The following SEC16A variants were observed in gnomAD, a reference collection of about 807,000 sequenced individuals.
The protein encoded by SEC16A is SEC16 homolog A, endoplasmic reticulum export factor, also known as protein transport protein Sec16A.
Under a neutral mutation model 221.9 loss-of-function variants are expected in SEC16A, and 110 were observed. That is an observed-to-expected ratio of 0.50 (90% confidence interval 0.42 to 0.58). The LOEUF is 0.58. Among genes scored for constraint, SEC16A ranks in the 20% least tolerant of loss-of-function variants. The pLI is 0.00. For missense variants in SEC16A, 3,165 were observed against 3,097.8 expected, an observed-to-expected ratio of 1.02 and a Z score of -0.52; for synonymous variants, 1,393 against 1,257.7, an observed-to-expected ratio of 1.11 and a Z score of -2.28.
At chr9:136,442,969 GACAA>G (rs1297193282) in intron 31 of SEC16A, among the ~76,000 whole-genome samples, 1 of 152,228 alleles carries the variant, frequency 6.6e-6, no homozygotes, top group Non-Finnish European at 1.5e-5. Flanking sequence ...GTGTCACCAA[GACAA>G]ACAGAGTAAC....
In SEC16A at chr9:136,466,304, A is replaced by C; in HGVS notation, c.4088T>G (p.Leu1363Arg). The change falls in exon 7 of 32, where the codon CTG (leucine) becomes CGG (arginine). Residue 1363 changes from leucine (L) to arginine (R), a missense_variant. Transcript: ENST00000684901. The surrounding 1 kb of genome is among the most constrained non-coding windows in gnomAD (Gnocchi z 5.5). ...SARSLHSAHSLASRRSSLSSH... is the reference protein window; with the variant it reads ...SARSLHSAHSRASRRSSLSSH... ...GCTGAGGCTGCTGCGGCGGCTGGCC[A>C]GGCTGTGTGCGCTGTGCAGGCTCCG... 1 of 1,569,956 alleles carries C rather than the reference A, an allele frequency of 6.4e-7. No individual in the cohort carries two copies. The highest frequency in any genetic ancestry group is 8.6e-7 in the Non-Finnish European group (1 of 1,158,166).
rs1127162 is a variant in SEC16A, at chr9:136,440,754, T to C, written c.*1001A>G. The C allele has an allele frequency of 0.12, 18,428 of 152,490 alleles. 1,414 individuals are homozygous for C. Among genetic ancestry groups the C allele is most frequent in the Admixed American group, 0.24 (3,625 of 15,290 alleles). 9.4% of individuals were successfully genotyped at this position (152,490 alleles called of 1,614,324 possible). A position where few individuals can be genotyped will look rare whatever the true frequency, so the allele number is the denominator to read the frequency against. Reference sequence around the variant, plus strand: ...CTGCTGTCAAGAAACTGTGTTAAGATACTCTCCCCAAGTGCTACCAACCTC... The same window carrying C: ...CTGCTGTCAAGAAACTGTGTTAAGACACTCTCCCCAAGTGCTACCAACCTC... On this transcript the variant is annotated 3_prime_UTR_variant, in exon 32 of 32. Coordinates refer to ENST00000684901, the MANE Select transcript of SEC16A (RefSeq NM_014866.2).
At chr9:136,465,833 G>C (rs749994779) in intron 8 of SEC16A, 129 bp downstream of exon 8, 18 of 956,832 alleles carry the variant, frequency 1.9e-5, no homozygotes, top group Non-Finnish European at 2.6e-5. Context: ...TCGGAAGGAC[G>C]GATTGGGTCA....
At position 136,466,099 on chromosome 9, in the gene SEC16A, G is replaced by C; in HGVS notation, c.4166C>G (p.Ser1389Cys). Residue 1389 changes from serine to cysteine, a missense_variant, in exon 8 of 32, where the codon TCC becomes TGC. Transcript: ENST00000684901. This position sits in a 1 kb window ranked among gnomAD's most constrained non-coding sequence, Gnocchi z 5.5. Reference protein sequence around the residue: ...IYRSHNVAAGSYEAPLPPGSF... With the variant: ...IYRSHNVAAGCYEAPLPPGSF... ...GCCTGGAGGAAGCGGGGCCTCGTAG[G>C]AACCGGCAGCCACATTGTGGCTTCT... The C allele has an allele frequency of 3.1e-6, 5 of 1,606,866 alleles. No individual in the cohort carries two copies. The highest frequency in any genetic ancestry group is 4.3e-6 in the Non-Finnish European group (5 of 1,175,640).
In SEC16A at chr9:136,467,201, C is replaced by T. The variant is rs1840272809; in HGVS notation, c.3803-118G>A. 5 of 1,170,054 alleles carry T rather than the reference C, an allele frequency of 4.3e-6. No individual in the cohort carries two copies. The East Asian group carries it at 7.5e-5, about 18-fold the overall frequency. The allele number at this position is 1,170,054 out of a possible 1,614,324, so 72.5% of individuals were successfully genotyped here. Reference sequence around the variant, plus strand: ...ATGCTCCAAGGACTCCTCGAGAAACCCAGCTTCTTCCTGGAAACCAGCACG... The same window carrying T: ...ATGCTCCAAGGACTCCTCGAGAAACTCAGCTTCTTCCTGGAAACCAGCACG... On this transcript the variant is annotated intron_variant, in intron 5 of 31. Coordinates refer to ENST00000684901, the MANE Select transcript of SEC16A (RefSeq NM_014866.2).
chr9:136,475,810 T>C lies in SEC16A; in HGVS notation c.1806A>G (p.Ile602Met). ...AAGAACTATTTGCACTTGTCTGAAA[T>C]ATTCCTGTAGGTTTCGGGGGGCTCG... is the stretch of plus-strand genomic sequence containing the variant. The part of the protein sequence containing the change: ...STPSPPKPTG[I>M]FQTSANSSFE... Residue 602 changes from isoleucine (I) to methionine (M), a missense_variant, in exon 3 of 32, where the codon ATA (isoleucine) becomes ATG (methionine). Ile to Met is a conservative substitution (Grantham distance 10, BLOSUM62 1). Coordinates refer to ENST00000684901, the MANE Select transcript of SEC16A (RefSeq NM_014866.2). This position sits in a 1 kb window ranked among gnomAD's most constrained non-coding sequence, Gnocchi z 5.0. The C allele has an allele frequency of 1.3e-6, 2 of 1,584,348 alleles. No homozygotes were observed. Among genetic ancestry groups the C allele is most frequent in the Non-Finnish European group, 8.6e-7 (1 of 1,164,954 alleles).
chr9:136,449,632 G>A (rs1329759406), intron 23 of SEC16A, among the ~76,000 whole-genome samples: 3 of 152,126 alleles, frequency 2.0e-5, no homozygotes, highest in Admixed American at 6.5e-5. Context: ...CGCCATGCCC[G>A]GCCTGATGCA....
At chr9:136,469,734 C>T (rs1439649400) in intron 4 of SEC16A, among the ~76,000 whole-genome samples, 2 of 152,228 alleles carry the variant, frequency 1.3e-5, no homozygotes, top group Non-Finnish European at 2.9e-5. Flanking sequence ...CGTGACCCTT[C>T]CCACGCCCCT....
chr9:136,483,136 C>A, upstream of SEC16A: 4 of 516,824 alleles, frequency 7.7e-6, no homozygotes, highest in Non-Finnish European at 9.9e-6. Context: ...CTCGTCGGCC[C>A]AGACGCGTTC....
Position 136,477,189 on chromosome 9 carries a change from C to T in SEC16A, c.427G>A (p.Glu143Lys), listed in dbSNP as rs756149791. The part of the protein sequence containing the change: ...PPGPEMNRSA[E>K]VGPSSEPEVQ... ...TCAGGCTCTGAACTGGGACCGACCTCTGCACTCCTGTTCATCTCAGGCCCA... is the reference window on the plus strand; with the variant it reads ...TCAGGCTCTGAACTGGGACCGACCTTTGCACTCCTGTTCATCTCAGGCCCA... The change falls in exon 3 of 32, where the codon GAG becomes AAG. Residue 143 changes from glutamate to lysine, a missense_variant. By Grantham distance (56) the Glu-to-Lys change is moderately conservative. This residue lies in a region of SEC16A where 2,030 missense variants were observed against 1,923.1 expected (regional missense o/e 1.06). Coordinates refer to ENST00000684901, the MANE Select transcript of SEC16A (RefSeq NM_014866.2). 1.6e-5 allele frequency: 26 copies of T among 1,613,756 alleles called. No homozygotes were observed. Among genetic ancestry groups the T allele is most frequent in the African/African-American group, 2.7e-5 (2 of 74,926 alleles).
At chr9:136,454,410 A>G in intron 20 of SEC16A, 83 bp from the exon 21 acceptor site, 1 of 1,270,328 alleles carries the variant, frequency 7.9e-7, no homozygotes, top group Non-Finnish European at 1.1e-6. Flanking sequence ...CGACGTGTTT[A>G]TGACAAGTTA....
chr9:136,480,230 C>T (rs971974806), intron 1 of SEC16A, among the ~76,000 whole-genome samples: 11 of 152,186 alleles, frequency 7.2e-5, no homozygotes, highest in African/African-American at 2.7e-4. Flanking sequence ...GCAGACACAG[C>T]GACACCTGCA....
chr9:136,477,723 T>C, intron 2 of SEC16A, 39 bp from the exon 3 acceptor site: 2 of 1,430,232 alleles, frequency 1.4e-6, no homozygotes, highest in Middle Eastern at 1.9e-4. Context: ...AAAATCCATA[T>C]ATTCAAAGTC....
chr9:136,457,300 T>A (rs2132208905), intron 18 of SEC16A, 144 bp downstream of exon 18: 6 of 874,256 alleles, frequency 6.9e-6, no homozygotes, highest in Non-Finnish European at 1.0e-5. Context: ...CATTCAAAGA[T>A]CTTTATCCGC....
Position 136,452,219 on chromosome 9 carries a change from C to G in SEC16A, c.6160-811G>C, listed in dbSNP as rs541297247. 6.6e-5 allele frequency among the ~76,000 whole-genome samples: 10 copies of G among 151,770 alleles called. No individual in the cohort carries two copies. The South Asian group carries it at 2.1e-3, about 32-fold the overall frequency. On this transcript the variant is annotated intron_variant, in intron 22 of 31. Coordinates refer to ENST00000684901, the MANE Select transcript of SEC16A (RefSeq NM_014866.2). ...ATCCCAGCACTTTGGGAGGCTGAGGCAGGTGGATCATGAGGTCAGGAGTTC... is the reference window on the plus strand; with the variant it reads ...ATCCCAGCACTTTGGGAGGCTGAGGGAGGTGGATCATGAGGTCAGGAGTTC...
In SEC16A at chr9:136,477,370, G is replaced by C; in HGVS notation, c.246C>G (p.Ala82=). The stretch of plus-strand genomic sequence containing the variant: ...CGGGGTGCTGAGAAAACCCTGCGGG[G>C]GCTGGGCCTTGCAAGACAGGTGGAC... ...KSSPPVLQGP[A]PAGFSQHPGL... is the part of the protein sequence containing the mutation. Residue 82 remains alanine, a synonymous_variant, in exon 3 of 32, where the codon GCC becomes GCG. Coordinates refer to ENST00000684901, the MANE Select transcript of SEC16A (RefSeq NM_014866.2). The C allele has an allele frequency of 6.2e-7, 1 of 1,614,004 alleles. No individual in the cohort carries two copies. The highest frequency in any genetic ancestry group is 1.1e-5 in the South Asian group (1 of 91,086).
At chr9:136,468,728 A>G (rs1313523876) in intron 4 of SEC16A, among the ~76,000 whole-genome samples, 1 of 152,250 alleles carries the variant, frequency 6.6e-6, no homozygotes, top group Non-Finnish European at 1.5e-5. Flanking sequence ...AATAACTAAG[A>G]GCCGTTCGGC....
chr9:136,484,466 C>T (rs528879282), upstream of SEC16A: 105 of 1,211,302 alleles, frequency 8.7e-5, no homozygotes, highest in African/African-American at 1.5e-3. Flanking sequence ...GCCCACTCAC[C>T]TGCACACCTG....
intron 4 of SEC16A, among the ~76,000 whole-genome samples, chr9:136,468,732 G>A (rs1010262718): frequency 1.3e-5 from 2 of 152,216 alleles, no homozygotes; most frequent in South Asian, 4.1e-4. Flanking sequence ...ACTAAGAGCC[G>A]TTCGGCTAAA....
Sources: gnomAD v4.1 joint callset for allele counts (sites outside exome capture counted in the v4.1 genomes callset) on GRCh38, gnomAD v4.1.1 for gene constraint, gnomAD v4.1.1 regional missense constraint, Gnocchi (gnomAD v3.1) non-coding constraint, MANE v1.5 for transcripts, NCBI Gene and HGNC (gene_info 2026-07-23, HGNC 2026-07-21) for gene names.